Variants in PRR5L observed in about 807,000 individuals in gnomAD.
The protein encoded by PRR5L is proline-rich protein 5-like.
PRR5L carries 21 observed loss-of-function variants against 36.4 expected under a neutral mutation model. The ratio of observed to expected loss-of-function variants is 0.58; its 90% CI spans 0.41 to 0.83. The LOEUF (loss-of-function observed/expected upper bound fraction) is 0.83. PRR5L is among the 40% of genes least tolerant of loss of function. The pLI is 0.00. For missense variants in PRR5L, 381 were observed against 473.3 expected, an observed-to-expected ratio of 0.80 and a Z score of 1.81; for synonymous variants, 188 against 197.0, an observed-to-expected ratio of 0.95 and a Z score of 0.38.
intron 1 of PRR5L, among the ~76,000 whole-genome samples, chr11:36,326,083 C>A (rs1313143775): frequency 5.3e-5 from 8 of 151,972 alleles, no homozygotes; most frequent in Non-Finnish European, 8.8e-5. Context: ...TTATATTTTA[C>A]TTTTTTATTA....
intron 1 of PRR5L, among the ~76,000 whole-genome samples, chr11:36,385,768 C>A (rs999757654): frequency 2.6e-5 from 4 of 152,220 alleles, no homozygotes; most frequent in African/African-American, 9.6e-5. Context: ...TTAATAGAAA[C>A]AATTGTGCTA....
intron 1 of PRR5L, among the ~76,000 whole-genome samples, chr11:36,334,167 C>A (rs1378767676): frequency 2.0e-5 from 3 of 152,202 alleles, no homozygotes; most frequent in Non-Finnish European, 2.9e-5. Flanking sequence ...GACACACCTA[C>A]TGCAAAGGAG....
chr11:36,319,148 G>GT (rs1308101844), intron 1 of PRR5L, among the ~76,000 whole-genome samples: 9 of 152,288 alleles, frequency 5.9e-5, no homozygotes, highest in African/African-American at 2.2e-4. Context: ...GCAGTTAATC[G>GT]TGATTGGCTT....
At chr11:36,402,497 C>T (rs1857818712) in intron 2 of PRR5L, among the ~76,000 whole-genome samples, 1 of 152,210 alleles carries the variant, frequency 6.6e-6, no homozygotes, top group African/African-American at 2.4e-5. Context: ...CCTGCCTCTG[C>T]CTCCCAAAGT....
At chr11:36,329,071 T>C (rs1313684280) in intron 1 of PRR5L, 1 of 152,200 alleles carries the variant, frequency 6.6e-6, no homozygotes, top group Non-Finnish European at 1.5e-5. Context: ...CAAAGATTAA[T>C]GGTTGAAGCA....
chr11:36,448,093 G>A (rs901717806), intron 7 of PRR5L, among the ~76,000 whole-genome samples: 1 of 152,086 alleles, frequency 6.6e-6, no homozygotes, highest in African/African-American at 2.4e-5. Context: ...AGTCCTGCAG[G>A]TGAAGACTCT....
intron 1 of PRR5L, among the ~76,000 whole-genome samples, chr11:36,351,298 A>G (rs1250174513): frequency 1.8e-4 from 1 of 5,412 alleles, no homozygotes; most frequent in Non-Finnish European, 3.5e-4. Flanking sequence ...TTATATATTT[A>G]TATATATATT....
At chr11:36,350,546 A>T (rs1254236130) in intron 1 of PRR5L, among the ~76,000 whole-genome samples, 1 of 152,000 alleles carries the variant, frequency 6.6e-6, no homozygotes, top group Non-Finnish European at 1.5e-5. Flanking sequence ...TTTCTTTTTT[A>T]AAATTTCAAT....
At chr11:36,399,567 G>T (rs1857746012) in intron 1 of PRR5L, among the ~76,000 whole-genome samples, 1 of 152,204 alleles carries the variant, frequency 6.6e-6, no homozygotes, top group Non-Finnish European at 1.5e-5. Flanking sequence ...CAACCTGAAG[G>T]TTGACTTAAG....
In PRR5L at chr11:36,330,260, T is replaced by C. The variant is rs182904158; in HGVS notation, c.-126+33822T>C. 5.3e-5 allele frequency among the ~76,000 whole-genome samples: 8 copies of C among 152,328 alleles called. No individual in the cohort carries two copies. In the East Asian group the frequency reaches 1.3e-3, roughly 26 times the overall value. Reference sequence around the variant, plus strand: ...TAAGAGAAAAGAGAAAGGGGTTCCTTATATCCCCAGAAAATAGAACATTAG... The same window carrying C: ...TAAGAGAAAAGAGAAAGGGGTTCCTCATATCCCCAGAAAATAGAACATTAG... On this transcript the variant is annotated intron_variant, in intron 1 of 8. Transcript: ENST00000530639.
intron 1 of PRR5L, among the ~76,000 whole-genome samples, chr11:36,313,792 A>T (rs924504214): frequency 6.6e-6 from 1 of 152,186 alleles, no homozygotes; most frequent in Non-Finnish European, 1.5e-5. Flanking sequence ...CCCATGGTCA[A>T]CTCAGGAACT....
chr11:36,350,940 A>T (rs1856926224), intron 1 of PRR5L, among the ~76,000 whole-genome samples: 2 of 27,902 alleles, frequency 7.2e-5, no homozygotes, highest in African/African-American at 3.7e-4. Flanking sequence ...TTATATATTT[A>T]TATATATATA....
chr11:36,324,759 A>G (rs1856643405), intron 1 of PRR5L, among the ~76,000 whole-genome samples: 5 of 152,186 alleles, frequency 3.3e-5, no homozygotes, highest in Admixed American at 3.3e-4. Context: ...CAATACTGAA[A>G]ACTAAAAAGT....
chr11:36,430,092 T>C (rs531996576), intron 4 of PRR5L, among the ~76,000 whole-genome samples: 1 of 152,276 alleles, frequency 6.6e-6, no homozygotes, highest in South Asian at 2.1e-4. Flanking sequence ...GTAACTTTGA[T>C]TTGGTGTTCT....
At chr11:36,421,544 C>CT (rs1226965901) in intron 4 of PRR5L, among the ~76,000 whole-genome samples, 2 of 151,830 alleles carry the variant, frequency 1.3e-5, no homozygotes, top group Non-Finnish European at 2.9e-5. Context: ...TTGTTTTTTT[C>CT]TTTTTTTAAT....
At chr11:36,434,057 G>A (rs1424818993) in intron 5 of PRR5L, among the ~76,000 whole-genome samples, 1 of 152,192 alleles carries the variant, frequency 6.6e-6, no homozygotes, top group Non-Finnish European at 1.5e-5. Flanking sequence ...GAAGTTGAAT[G>A]TCTCTCACCC....
At chr11:36,316,116 T>G (rs962593999) in intron 1 of PRR5L, among the ~76,000 whole-genome samples, 16 of 152,198 alleles carry the variant, frequency 1.1e-4, no homozygotes, top group Admixed American at 1.0e-3. Flanking sequence ...AACTTTTTTA[T>G]GAAGGGCGAG....
At chr11:36,354,083 G>A (rs938918334) in intron 1 of PRR5L, among the ~76,000 whole-genome samples, 1 of 152,176 alleles carries the variant, frequency 6.6e-6, no homozygotes, top group Non-Finnish European at 1.5e-5. Flanking sequence ...ATTGTCAGGA[G>A]CACCTGTGTC....
intron 6 of PRR5L, among the ~76,000 whole-genome samples, chr11:36,438,367 A>C (rs1340109098): frequency 6.6e-6 from 1 of 152,236 alleles, no homozygotes; most frequent in African/African-American, 2.4e-5. Context: ...GCCATTAAGC[A>C]ATGGGTAGAA....
Sources: allele counts gnomAD v4.1 joint callset (sites outside exome capture counted in the v4.1 genomes callset), GRCh38; gene constraint gnomAD v4.1.1; transcripts MANE v1.5; gene names NCBI Gene and HGNC (gene_info 2026-07-23, HGNC 2026-07-21).